The following WDR26 variants were observed in gnomAD, a reference collection of about 807,000 sequenced individuals.
WDR26 encodes the protein WD repeat domain 26, also known as WD repeat-containing protein 26.
A neutral mutation model predicts 84.1 loss-of-function variants in WDR26; 5 were observed. That is an observed-to-expected ratio of 0.06 (90% CI 0.03 to 0.13). The LOEUF (loss-of-function observed/expected upper bound fraction) is 0.13. Ranked by LOEUF, WDR26 falls within the 10% of genes least tolerant of loss-of-function variation. The pLI is 1.00. For synonymous variants in WDR26, 415 were observed against 389.6 expected (o/e 1.07, Z -0.77); for missense variants, 642 against 974.9 (o/e 0.66, Z 4.55).
At chr1:224,414,443 A>G (rs548425887) in intron 6 of WDR26, among the ~76,000 whole-genome samples, 19 of 152,294 alleles carry the variant, frequency 1.2e-4, no homozygotes, top group African/African-American at 4.6e-4. Context: ...TTTTCAATGT[A>G]CATCAGGATT....
intron 4 of WDR26, among the ~76,000 whole-genome samples, chr1:224,420,868 G>C (rs1036581929): frequency 6.6e-6 from 1 of 152,164 alleles, no homozygotes; most frequent in Admixed American, 6.5e-5. Context: ...AAAGTGCTGA[G>C]ATTACAGGCG....
intron 3 of WDR26, 28 bp downstream of exon 3, chr1:224,431,449 G>A: frequency 6.3e-7 from 1 of 1,597,464 alleles, no homozygotes; most frequent in Non-Finnish European, 8.6e-7. Flanking sequence ...AAGCATAAAT[G>A]TGAAACTAAG....
At chr1:224,428,400 A>C (rs1344605403) in intron 3 of WDR26, among the ~76,000 whole-genome samples, 1 of 152,188 alleles carries the variant, frequency 6.6e-6, no homozygotes, top group Non-Finnish European at 1.5e-5. Flanking sequence ...GAAATAAATT[A>C]TATCTAAACT....
At chr1:224,425,925 T>C (rs986742273) in intron 3 of WDR26, among the ~76,000 whole-genome samples, 1 of 152,166 alleles carries the variant, frequency 6.6e-6, no homozygotes, top group Non-Finnish European at 1.5e-5. Context: ...TGGCGTGATC[T>C]TGGCTTACTA....
chr1:224,399,662 A>G (rs1673356275), intron 9 of WDR26, among the ~76,000 whole-genome samples: 2 of 152,226 alleles, frequency 1.3e-5, no homozygotes, highest in Non-Finnish European at 2.9e-5. Flanking sequence ...AACATACATG[A>G]TCATCTTGCA....
chr1:224,403,852 G>A (rs1052027135), intron 8 of WDR26, among the ~76,000 whole-genome samples: 1 of 152,142 alleles, frequency 6.6e-6, no homozygotes, highest in South Asian at 2.1e-4. Context: ...CAGGAGAATC[G>A]CTTGAACCCA....
In WDR26 at chr1:224,434,568, CT is replaced by C. The variant is rs992577268; in HGVS notation, c.-164del. 12 of 460,938 alleles carry C rather than the reference CT, an allele frequency of 2.6e-5. No homozygotes were observed. Among genetic ancestry groups the C allele is most frequent in the East Asian group, 1.6e-4 (1 of 6,182 alleles). The allele number at this position is 460,938 out of a possible 1,614,324, so 28.6% of individuals were successfully genotyped here. ...GAGGGGGAGAAGGAGGATCCGGGCC[CT>C]TTCCCCCCCCCCTCCCGGAGGCAGC... is the stretch of plus-strand genomic sequence containing the variant. On this transcript the variant is annotated 5_prime_UTR_variant, in exon 1 of 14. Coordinates refer to ENST00000414423, the MANE Select transcript of WDR26 (RefSeq NM_001379403.1).
chr1:224,412,331 T>C (rs1314462781), intron 6 of WDR26, among the ~76,000 whole-genome samples: 1 of 152,170 alleles, frequency 6.6e-6, no homozygotes, highest in Non-Finnish European at 1.5e-5. Flanking sequence ...CTGACAGACT[T>C]AGATTTAAAT....
rs1673072851 is a variant in WDR26 at position 224,389,741 on chromosome 1, CA to C, written c.*93del. The C allele has an allele frequency of 8.0e-7, 1 of 1,252,722 alleles. No individual in the cohort carries two copies. Among genetic ancestry groups the C allele is most frequent in the Non-Finnish European group, 1.2e-6 (1 of 856,576 alleles). The allele number at this position is 1,252,722 out of a possible 1,614,324, so 77.6% of individuals were successfully genotyped here. ...TTTTTTCATGACGAGCATGTCTGTC[CA>C]GCTATCAATCATGTTTGTTTGCACC... On this transcript the variant is annotated 3_prime_UTR_variant, in exon 14 of 14. Coordinates refer to ENST00000414423, the MANE Select transcript of WDR26 (RefSeq NM_001379403.1).
At position 224,434,112 on chromosome 1, in the gene WDR26, G is replaced by C. The variant is rs1048486074; in HGVS notation, c.294C>G (p.Gly98=). Residue 98 remains glycine (G), a synonymous_variant, in exon 1 of 14, where the codon GGC becomes GGG. Coordinates refer to ENST00000414423, the MANE Select transcript of WDR26 (RefSeq NM_001379403.1). ...CTGCCCCATTGGCCTGCATGATGCTGCCGCTGACCAGGCTGTGGCCGCTAC... is the reference window on the plus strand; with the variant it reads ...CTGCCCCATTGGCCTGCATGATGCTCCCGCTGACCAGGCTGTGGCCGCTAC... The C allele has an allele frequency of 2.2e-5, 31 of 1,429,858 alleles. No homozygotes were observed. In the African/African-American group the frequency reaches 4.3e-4, roughly 20 times the overall value. 88.6% of individuals were successfully genotyped at this position (1,429,858 alleles called of 1,614,324 possible). A position where few individuals can be genotyped will look rare whatever the true frequency, so the allele number is the denominator to read the frequency against.
intron 3 of WDR26, among the ~76,000 whole-genome samples, chr1:224,425,230 G>T (rs1348163922): frequency 6.6e-6 from 1 of 151,684 alleles, no homozygotes; most frequent in African/African-American, 2.4e-5. Flanking sequence ...TGTACTACAA[G>T]TTGGTGTGCA....
chr1:224,414,454 T>C (rs926995914), intron 6 of WDR26, among the ~76,000 whole-genome samples: 8 of 152,196 alleles, frequency 5.3e-5, no homozygotes, highest in Admixed American at 4.6e-4. Flanking sequence ...CATCAGGATT[T>C]TTTATTCAGA....
intron 3 of WDR26, among the ~76,000 whole-genome samples, chr1:224,425,617 T>C (rs1223260686): frequency 1.3e-5 from 2 of 152,204 alleles, no homozygotes; most frequent in Admixed American, 6.5e-5. Flanking sequence ...AAAAGGGATA[T>C]TTATAAACAT....
In WDR26 at chr1:224,388,292, T is replaced by C. The variant is rs937406639; in HGVS notation, c.*1543A>G. ...TAAAGGGGAACTTAGTACAAGACTTTTTCTTCACCAGAATCTTATTTTGGG... is the reference window on the plus strand; with the variant it reads ...TAAAGGGGAACTTAGTACAAGACTTCTTCTTCACCAGAATCTTATTTTGGG... On this transcript the variant is annotated 3_prime_UTR_variant, in exon 14 of 14. Coordinates refer to ENST00000414423, the MANE Select transcript of WDR26 (RefSeq NM_001379403.1). 1 of 152,220 alleles carries C rather than the reference T, an allele frequency of 6.6e-6. No homozygotes were observed. Among genetic ancestry groups the C allele is most frequent in the Non-Finnish European group, 1.5e-5 (1 of 68,032 alleles). 9.4% of individuals were successfully genotyped at this position (152,220 alleles called of 1,614,324 possible).
chr1:224,433,089 T>C (rs1674447225), intron 1 of WDR26, among the ~76,000 whole-genome samples: 1 of 152,200 alleles, frequency 6.6e-6, no homozygotes, highest in South Asian at 2.1e-4. Flanking sequence ...ACATCAACAC[T>C]GTATCTTCAT....
chr1:224,422,843 T>C, intron 4 of WDR26, among the ~76,000 whole-genome samples: 1 of 151,996 alleles, frequency 6.6e-6, no homozygotes, highest in Non-Finnish European at 1.5e-5. Flanking sequence ...GAAATGAAAA[T>C]TTTATATTTT....
intron 11 of WDR26, 111 bp from the exon 12 acceptor site, chr1:224,398,337 C>T (rs1673317846): frequency 7.2e-7 from 1 of 1,397,602 alleles, no homozygotes; most frequent in Non-Finnish European, 9.6e-7. Flanking sequence ...TTCTATTATG[C>T]AAAATACCAA....
In WDR26 at chr1:224,408,808, A is replaced by C. The variant is rs562837777; in HGVS notation, c.1458+2619T>G. Among the ~76,000 whole-genome samples the C allele has an allele frequency of 5.3e-5, 8 of 152,114 alleles. No individual in the cohort carries two copies. The South Asian group carries it at 1.5e-3, about 28-fold the overall frequency. ...ATACTTTATGTATTATCTATTATGT[A>C]TCATGCTTATTTCATTGAATTTTGT... On this transcript the variant is annotated intron_variant, in intron 7 of 13. Transcript: ENST00000414423.
chr1:224,396,854 G>A (rs1378796520), intron 12 of WDR26, among the ~76,000 whole-genome samples: 2 of 151,872 alleles, frequency 1.3e-5, no homozygotes, highest in Non-Finnish European at 2.9e-5. Flanking sequence ...GAGCCCAGGA[G>A]GTGGAGGTTG....
Sources: allele counts gnomAD v4.1 joint callset (sites outside exome capture counted in the v4.1 genomes callset), GRCh38; gene constraint gnomAD v4.1.1; transcripts MANE v1.5; gene names NCBI Gene and HGNC (gene_info 2026-07-23, HGNC 2026-07-21).